Variants in ME1 observed in about 807,000 individuals in gnomAD.
The protein encoded by ME1 is malic enzyme 1.
ME1 carries 74 observed loss-of-function variants against 66.4 expected under a neutral mutation model. The observed-to-expected ratio is 1.11, with a 90% CI of 0.92 to 1.35. The LOEUF (loss-of-function observed/expected upper bound fraction) is 1.35. Ranked by LOEUF, ME1 falls within the 40% of genes most tolerant of loss-of-function variation. The pLI is 0.00. For missense variants in ME1, 750 were observed against 694.1 expected, an observed-to-expected ratio of 1.08 and a Z score of -0.90; for synonymous variants, 251 against 235.6, an observed-to-expected ratio of 1.07 and a Z score of -0.60.
At chr6:83,242,368 T>C (rs1230728219) in intron 7 of ME1, among the ~76,000 whole-genome samples, 1 of 152,206 alleles carries the variant, frequency 6.6e-6, no homozygotes, top group Admixed American at 6.5e-5. Flanking sequence ...AATTACCATA[T>C]ATATTTTAGT....
chr6:83,428,575 T>C (rs1248928983), intron 1 of ME1, among the ~76,000 whole-genome samples: 2 of 152,074 alleles, frequency 1.3e-5, no homozygotes. Context: ...TACAAAATAA[T>C]AAGAATAAAA....
At chr6:83,357,935 C>CTCTCTCTCTCTCTCTCTCTCTA (rs1447805761) in intron 3 of ME1, among the ~76,000 whole-genome samples, 1 of 30,040 alleles carries the variant, frequency 3.3e-5, no homozygotes, top group African/African-American at 1.2e-4. Flanking sequence ...CTCTCTCTCT[C>CTCTCTCTCTCTCTCTCTCTCTA]TATATATATA....
At chr6:83,402,090 C>T (rs939870944) in intron 2 of ME1, among the ~76,000 whole-genome samples, 1 of 152,198 alleles carries the variant, frequency 6.6e-6, no homozygotes, top group East Asian at 1.9e-4. Context: ...GGAATGAGCA[C>T]ATGCTCATGA....
At chr6:83,391,138 G>A (rs1014501489) in intron 3 of ME1, among the ~76,000 whole-genome samples, 1 of 152,040 alleles carries the variant, frequency 6.6e-6, no homozygotes, top group African/African-American at 2.4e-5. Flanking sequence ...TTTTTTTACA[G>A]TCTTGATTTT....
chr6:83,369,700 G>T, intron 3 of ME1, among the ~76,000 whole-genome samples: 1 of 123,102 alleles, frequency 8.1e-6, no homozygotes, highest in Non-Finnish European at 1.9e-5. Flanking sequence ...AGGAAGGAAG[G>T]AAGGAAGGAA....
At chr6:83,425,480 C>T (rs1770352932) in intron 1 of ME1, among the ~76,000 whole-genome samples, 1 of 152,128 alleles carries the variant, frequency 6.6e-6, no homozygotes, top group African/African-American at 2.4e-5. Flanking sequence ...GAAACAAACA[C>T]ATCCTTCTTC....
intron 5 of ME1, among the ~76,000 whole-genome samples, chr6:83,332,865 C>T (rs1471235388): frequency 5.9e-5 from 9 of 151,880 alleles, no homozygotes; most frequent in South Asian, 2.1e-4. Context: ...ATAATTCATC[C>T]GTGTAACCAA....
intron 9 of ME1, among the ~76,000 whole-genome samples, chr6:83,234,460 C>T (rs1451897208): frequency 6.6e-6 from 1 of 152,130 alleles, no homozygotes; most frequent in Non-Finnish European, 1.5e-5. Context: ...GAAACTGATC[C>T]TGTTACTTCC....
chr6:83,369,046 A>T (rs1769148291), intron 3 of ME1, among the ~76,000 whole-genome samples: 1 of 152,142 alleles, frequency 6.6e-6, no homozygotes, highest in South Asian at 2.1e-4. Context: ...AAGTTCTGGG[A>T]TACATGTGCA....
chr6:83,368,361 C>G (rs1769138064), intron 3 of ME1, among the ~76,000 whole-genome samples: 1 of 144,114 alleles, frequency 6.9e-6, no homozygotes, highest in Admixed American at 7.4e-5. Context: ...TGCCACAAAC[C>G]TTCAATTTAT....
In ME1 at chr6:83,238,749, T is replaced by C. The variant is rs1288604827; in HGVS notation, c.912+790A>G. On this transcript the variant is annotated intron_variant, in intron 8 of 13. Coordinates refer to ENST00000369705, the MANE Select transcript of ME1 (RefSeq NM_002395.6). ...AACAATGATCTACCAGTGTAACATATTGTTGTGTTCATAATCATATTCAAT... is the reference window on the plus strand; with the variant it reads ...AACAATGATCTACCAGTGTAACATACTGTTGTGTTCATAATCATATTCAAT... Among the ~76,000 whole-genome samples, 5 of 150,596 alleles carry C rather than the reference T, an allele frequency of 3.3e-5. No homozygotes were observed. In the East Asian group the frequency reaches 5.8e-4, roughly 17 times the overall value.
chr6:83,324,281 G>A (rs1460406262), intron 5 of ME1, among the ~76,000 whole-genome samples: 1 of 151,488 alleles, frequency 6.6e-6, no homozygotes, highest in Non-Finnish European at 1.5e-5. Flanking sequence ...AAAAGAACTA[G>A]AGAAGCAAGA....
chr6:83,379,893 G>A (rs894729506), intron 3 of ME1, among the ~76,000 whole-genome samples: 3 of 151,990 alleles, frequency 2.0e-5, no homozygotes, highest in Non-Finnish European at 4.4e-5. Flanking sequence ...CAAAAGAAAG[G>A]TTTAAGAGGG....
rs900004646 is a variant in ME1, at chr6:83,269,313, GTA to G, written c.705-15577_705-15576del. ...ACATAGACAAGACATATATAATAAA[GTA>G]TATATGCAAGTAACATTAAGGGATA... On this transcript the variant is annotated intron_variant, in intron 6 of 13. Transcript: ENST00000369705. Among the ~76,000 whole-genome samples, 128 of 152,062 alleles carry G rather than the reference GTA, an allele frequency of 8.4e-4. 2 individuals are homozygous for G. Among genetic ancestry groups the G allele is most frequent in the African/African-American group, 3.0e-3 (125 of 41,468 alleles).
At chr6:83,294,589 C>T (rs1016124696) in intron 6 of ME1, among the ~76,000 whole-genome samples, 6 of 152,126 alleles carry the variant, frequency 3.9e-5, no homozygotes, top group African/African-American at 7.2e-5. Flanking sequence ...AATTCTTGGA[C>T]GTGGAGAACC....
In ME1 at chr6:83,292,454, C is replaced by T. The variant is rs141885284; in HGVS notation, c.704+22856G>A. ...GCCTAGGTATCACCAGTGGAGGCTG[C>T]AGAACAGCAAATATTGCTGCCTGAT... On this transcript the variant is annotated intron_variant, in intron 6 of 13. Transcript: ENST00000369705. Among the ~76,000 whole-genome samples the T allele has an allele frequency of 8.7e-4, 133 of 152,304 alleles. 2 individuals are homozygous for T. In the East Asian group the frequency reaches 0.021, roughly 24 times the overall value.
chr6:83,308,338 C>A (rs1453063518), intron 6 of ME1, among the ~76,000 whole-genome samples: 2 of 151,834 alleles, frequency 1.3e-5, no homozygotes, highest in Non-Finnish European at 2.9e-5. Context: ...AATATTAGTT[C>A]TTAAAAGCTT....
At position 83,298,931 on chromosome 6, in the gene ME1, G is replaced by GTTTTTTTTTTTTTTTTTTTTTTTT. The variant is rs61055748; in HGVS notation, c.704+16355_704+16378dup. On this transcript the variant is annotated intron_variant, in intron 6 of 13. Transcript: ENST00000369705. ...TGCTGTTCCATTAGTCTATGTGTCT[G>GTTTTTTTTTTTTTTTTTTTTTTTT]TTTTTTTTTTTTTTTTTTTTTTTTT... Among the ~76,000 whole-genome samples the GTTTTTTTTTTTTTTTTTTTTTTTT allele has an allele frequency of 2.2e-4, 5 of 22,496 alleles. 2 individuals are homozygous for GTTTTTTTTTTTTTTTTTTTTTTTT. Among genetic ancestry groups the GTTTTTTTTTTTTTTTTTTTTTTTT allele is most frequent in the Admixed American group, 6.3e-4 (1 of 1,580 alleles). 14.8% of individuals were successfully genotyped at this position (22,496 alleles called of 152,430 possible).
At chr6:83,321,449 C>G (rs1768171975) in intron 5 of ME1, among the ~76,000 whole-genome samples, 1 of 152,148 alleles carries the variant, frequency 6.6e-6, no homozygotes, top group Non-Finnish European at 1.5e-5. Flanking sequence ...ACCTGGGACA[C>G]TCGAGCTTGG....
Sources: gnomAD v4.1 joint callset for allele counts (sites outside exome capture counted in the v4.1 genomes callset) on GRCh38, gnomAD v4.1.1 for gene constraint, MANE v1.5 for transcripts, NCBI Gene and HGNC (gene_info 2026-07-23, HGNC 2026-07-21) for gene names.